The following GTF2I variants were observed in gnomAD, a reference collection of about 807,000 sequenced individuals.
GTF2I encodes the protein general transcription factor IIi, also known as general transcription factor II-I.
GTF2I carries 12 observed loss-of-function variants against 67.6 expected under a neutral mutation model. That is an observed-to-expected ratio of 0.18 (90% CI 0.11 to 0.29). The LOEUF is 0.29. Among genes scored for constraint, GTF2I ranks in the 10% least tolerant of loss-of-function variants. The pLI is 1.00. For missense variants in GTF2I, 271 were observed against 580.1 expected (o/e 0.47, Z 5.47); for synonymous variants, 149 against 197.0 (o/e 0.76, Z 2.04).
chr7:74,726,920 ATAG>A (rs1793885813), intron 12 of GTF2I: 2 of 151,252 alleles, frequency 1.3e-5, no homozygotes, highest in Admixed American at 6.6e-5. Flanking sequence ...AGATAGATAG[ATAG>A]ATAGATAGAT....
At position 74,679,237 on chromosome 7, in the gene GTF2I, A is replaced by G. The variant is rs1451334420; in HGVS notation, c.-5-9887A>G. 2.0e-5 allele frequency among the ~76,000 whole-genome samples: 3 copies of G among 147,790 alleles called. 1 individual carries two copies. The highest frequency in any genetic ancestry group is 4.5e-5 in the Non-Finnish European group (3 of 66,966). ...GGGATTACAGGCGCCCACCACACCC[A>G]GCTTATTTTTGTATTTTTAGTAGAG... On this transcript the variant is annotated intron_variant, in intron 1 of 34. Coordinates refer to ENST00000573035, the MANE Select transcript of GTF2I (RefSeq NM_032999.4).
intron 3 of GTF2I, among the ~76,000 whole-genome samples, chr7:74,696,524 G>T (rs1460824290): frequency 6.8e-6 from 1 of 147,212 alleles, no homozygotes; most frequent in Non-Finnish European, 1.5e-5. Context: ...ACGGAGTCTC[G>T]CTCTGTCGCC....
At chr7:74,691,215 T>G in intron 3 of GTF2I, 104 bp downstream of exon 3, 1 of 935,096 alleles carries the variant, frequency 1.1e-6, no homozygotes, top group Non-Finnish European at 1.6e-6. Context: ...TTTCTTTTTT[T>G]TTTTTTTTGA....
At chr7:74,697,923 C>T (rs1312890420) in intron 3 of GTF2I, among the ~76,000 whole-genome samples, 1 of 142,560 alleles carries the variant, frequency 7.0e-6, no homozygotes, top group African/African-American at 2.7e-5. Context: ...TGTGTGCCAC[C>T]ATGCCCAGCT....
chr7:74,727,655 A>T (rs1554405986), intron 12 of GTF2I: 1 of 152,136 alleles, frequency 6.6e-6, no homozygotes, highest in Non-Finnish European at 1.5e-5. Context: ...TTTAAATAAG[A>T]ATTTCTTAAA....
intron 12 of GTF2I, among the ~76,000 whole-genome samples, chr7:74,724,737 ATG>A (rs1793536100): frequency 6.6e-6 from 1 of 152,184 alleles, no homozygotes; most frequent in South Asian, 2.1e-4. Context: ...CCTGACCAAC[ATG>A]GTGAAATTCC....
At chr7:74,725,695 T>C (rs1793676915) in intron 12 of GTF2I, among the ~76,000 whole-genome samples, 2 of 152,048 alleles carry the variant, frequency 1.3e-5, no homozygotes, top group Non-Finnish European at 2.9e-5. Context: ...ATAAAGTAAC[T>C]ACATTCATCT....
chr7:74,699,284 GTTTC>G (rs1437805750), intron 4 of GTF2I, among the ~76,000 whole-genome samples, 189 bp downstream of exon 4: 19 of 151,242 alleles, frequency 1.3e-4, no homozygotes, highest in African/African-American at 3.6e-4. Context: ...CAGTAGAGCT[GTTTC>G]TTTCTTTCTG....
Position 74,732,510 on chromosome 7 carries a change from G to A in GTF2I, c.1152G>A (p.Thr384=), listed in dbSNP as rs587731802. ...AQAIKAKGPV[T]IPYPLFQSHV... ...CCATAAAAGCCAAAGGTCCGGTGACGATCCCGTACCCTCTTTTCCAGTCTC... is the reference window on the plus strand; with the variant it reads ...CCATAAAAGCCAAAGGTCCGGTGACAATCCCGTACCCTCTTTTCCAGTCTC... Residue 384 remains threonine, a synonymous_variant, in exon 15 of 35, where the codon ACG becomes ACA. Transcript: ENST00000573035. 88 of 1,587,730 alleles carry A rather than the reference G, an allele frequency of 5.5e-5. No homozygotes were observed. Among genetic ancestry groups the A allele is most frequent in the Non-Finnish European group, 7.0e-5 (82 of 1,170,976 alleles).
At chr7:74,681,537 C>T (rs587605474) in intron 1 of GTF2I, among the ~76,000 whole-genome samples, 4 of 152,284 alleles carry the variant, frequency 2.6e-5, no homozygotes, top group East Asian at 1.9e-4. Flanking sequence ...CAGTATATCC[C>T]GTGTCATCTT....
At chr7:74,699,902 G>A (rs1554399414) in intron 4 of GTF2I, 1 of 208,862 alleles carries the variant, frequency 4.8e-6, no homozygotes, top group African/African-American at 2.3e-5. Context: ...GGTAATAGTT[G>A]GATGTGCTGG....
chr7:74,658,558 C>T (rs1554384799), intron 1 of GTF2I, among the ~76,000 whole-genome samples: 2 of 150,078 alleles, frequency 1.3e-5, no homozygotes, highest in African/African-American at 4.9e-5. Context: ...GTCGCGCTCG[C>T]CTGGTGTATC....
chr7:74,724,065 A>G (rs1177177599), intron 12 of GTF2I, among the ~76,000 whole-genome samples: 1 of 152,124 alleles, frequency 6.6e-6, no homozygotes, highest in Non-Finnish European at 1.5e-5. Context: ...ATTTTCTTAA[A>G]TGTCTCTGCA....
chr7:74,686,307 G>C (rs1366982717), intron 1 of GTF2I, among the ~76,000 whole-genome samples: 1 of 152,090 alleles, frequency 6.6e-6, no homozygotes, highest in Non-Finnish European at 1.5e-5. Context: ...GCATGAATTG[G>C]CCTTAGGTTC....
At chr7:74,727,913 A>G (rs1794061053) in intron 12 of GTF2I, 1 of 152,190 alleles carries the variant, frequency 6.6e-6, no homozygotes, top group South Asian at 2.1e-4. Context: ...CTGCTCCTTT[A>G]TACACAGCCT....
At position 74,718,017 on chromosome 7, in the gene GTF2I, G is replaced by T. The variant is rs113542239; in HGVS notation, c.881-862G>T. On this transcript the variant is annotated intron_variant, in intron 11 of 34. Transcript: ENST00000573035. ...AGAGTTTTCAGCTTTGAATAGGCGG[G>T]ATTTAGAACAACAAGACCTAGGTAA... 8.5e-3 allele frequency among the ~76,000 whole-genome samples: 1,290 copies of T among 152,292 alleles called. 11 individuals are homozygous for T. Among genetic ancestry groups the T allele is most frequent in the Non-Finnish European group, 0.013 (913 of 68,030 alleles).
intron 3 of GTF2I, among the ~76,000 whole-genome samples, chr7:74,696,563 G>C (rs972791311): frequency 1.2e-4 from 18 of 151,392 alleles, no homozygotes; most frequent in Non-Finnish European, 2.1e-4. Flanking sequence ...CACGATCTCA[G>C]CTCACTGCAA....
chr7:74,700,082 C>T (rs587770566), intron 4 of GTF2I, 165 bp from the exon 5 acceptor site: 4 of 701,082 alleles, frequency 5.7e-6, no homozygotes, highest in Non-Finnish European at 9.3e-6. Flanking sequence ...CAGGTTTAGA[C>T]CTTCTGCTGA....
chr7:74,683,465 A>G (rs1230580410), intron 1 of GTF2I, among the ~76,000 whole-genome samples: 1 of 152,260 alleles, frequency 6.6e-6, no homozygotes, highest in Non-Finnish European at 1.5e-5. Flanking sequence ...ACCAGAGGAC[A>G]GCAGGAACAC....
Sources: gnomAD v4.1 joint callset for allele counts (sites outside exome capture counted in the v4.1 genomes callset) on GRCh38, gnomAD v4.1.1 for gene constraint, MANE v1.5 for transcripts, NCBI Gene and HGNC (gene_info 2026-07-23, HGNC 2026-07-21) for gene names.